Variants in GMDS observed in about 807,000 individuals in gnomAD.
The protein encoded by GMDS is GDP-mannose 4,6 dehydratase.
GMDS carries 20 observed loss-of-function variants against 49.9 expected under a neutral mutation model. The observed-to-expected ratio is 0.40, with a 90% CI of 0.28 to 0.58. The LOEUF is 0.58. Among genes scored for constraint, GMDS ranks in the 20% least tolerant of loss-of-function variants. The pLI is 0.42. For missense variants in GMDS, 362 were observed against 481.4 expected, an observed-to-expected ratio of 0.75 and a Z score of 2.32; for synonymous variants, 177 against 178.6, an observed-to-expected ratio of 0.99 and a Z score of 0.07.
chr6:2,209,283 C>T (rs1412854816), intron 1 of GMDS, among the ~76,000 whole-genome samples: 5 of 152,210 alleles, frequency 3.3e-5, no homozygotes, highest in Non-Finnish European at 5.9e-5. Context: ...TTAGTACATA[C>T]TGTGGGGGTA....
At chr6:1,811,281 C>T (rs116443173) in intron 7 of GMDS, among the ~76,000 whole-genome samples, 1,709 of 152,216 alleles carry the variant, frequency 0.011, 35 homozygotes, top group African/African-American at 0.039. Flanking sequence ...CATACTCTTG[C>T]GATCTTTTCT....
intron 1 of GMDS, among the ~76,000 whole-genome samples, chr6:2,232,307 T>G (rs1378726878): frequency 6.6e-6 from 1 of 152,194 alleles, no homozygotes; most frequent in African/African-American, 2.4e-5. Flanking sequence ...ATTCAGGATT[T>G]TTACTCATTC....
At chr6:1,897,001 T>G (rs565240361) in intron 7 of GMDS, among the ~76,000 whole-genome samples, 1 of 152,220 alleles carries the variant, frequency 6.6e-6, no homozygotes, top group East Asian at 1.9e-4. Flanking sequence ...AAGACAACAA[T>G]GTACATGGAG....
rs7356922 is a variant in GMDS at position 1,775,176 on chromosome 6, G to T, written c.772-32590C>A. Among the ~76,000 whole-genome samples the T allele has an allele frequency of 5.3e-3, 805 of 152,314 alleles. 6 individuals carry two copies. The Middle Eastern group carries it at 0.065, about 12-fold the overall frequency. On this transcript the variant is annotated intron_variant, in intron 7 of 10. Transcript: ENST00000380815. ...GCTAGCAAGCGCATGCATGGCTGAA[G>T]GTGGGGAGTTTTATGGACAACCTTG... is the stretch of plus-strand genomic sequence containing the variant.
chr6:2,040,349 G>C (rs1769598020), intron 4 of GMDS, among the ~76,000 whole-genome samples: 1 of 152,164 alleles, frequency 6.6e-6, no homozygotes, highest in South Asian at 2.1e-4. Context: ...TAAACCCTGT[G>C]TAATAAAACA....
At chr6:1,845,937 T>A (rs9391935) in intron 7 of GMDS, among the ~76,000 whole-genome samples, 72,015 of 151,804 alleles carry the variant, frequency 0.47, 20,258 homozygotes, top group Non-Finnish European at 0.62. Flanking sequence ...TAAGTCCTCA[T>A]AGCAATATTC....
At chr6:1,841,317 C>T (rs1235013870) in intron 7 of GMDS, among the ~76,000 whole-genome samples, 1 of 152,182 alleles carries the variant, frequency 6.6e-6, no homozygotes, top group African/African-American at 2.4e-5. Context: ...CAGAGGTGAA[C>T]TTTATGCAGG....
chr6:1,936,489 G>T lies in GMDS; in HGVS notation c.644-6259C>A, dbSNP rs73425566. Reference sequence around the variant, plus strand: ...CACAAGGCAAGGGAATAATAGCTCAGACCAGCAAGTCATCAGCTGAGACCA... The same window carrying T: ...CACAAGGCAAGGGAATAATAGCTCATACCAGCAAGTCATCAGCTGAGACCA... On this transcript the variant is annotated intron_variant, in intron 6 of 10. Transcript: ENST00000380815. Among the ~76,000 whole-genome samples, 1,167 of 152,276 alleles carry T rather than the reference G, an allele frequency of 7.7e-3. 14 individuals carry two copies. The highest frequency in any genetic ancestry group is 0.027 in the African/African-American group (1,108 of 41,542).
intron 7 of GMDS, among the ~76,000 whole-genome samples, chr6:1,773,936 C>T (rs1429629891): frequency 6.6e-6 from 1 of 152,162 alleles, no homozygotes. Context: ...ATACACTGTA[C>T]ATTTTTGAAA....
At chr6:1,672,099 G>A (rs1764450858) in intron 9 of GMDS, among the ~76,000 whole-genome samples, 2 of 152,188 alleles carry the variant, frequency 1.3e-5, no homozygotes, top group African/African-American at 4.8e-5. Flanking sequence ...CTACAAAAGA[G>A]TGTTTTTTCC....
chr6:1,940,923 G>A (rs1181052793), intron 6 of GMDS, among the ~76,000 whole-genome samples: 1 of 152,136 alleles, frequency 6.6e-6, no homozygotes, highest in Non-Finnish European at 1.5e-5. Flanking sequence ...GAGCGTCACT[G>A]GCCTTTACCC....
intron 4 of GMDS, among the ~76,000 whole-genome samples, chr6:2,079,896 A>G (rs1278120196): frequency 6.6e-6 from 1 of 152,164 alleles, no homozygotes; most frequent in East Asian, 1.9e-4. Flanking sequence ...AAAATAGATG[A>G]GTTTTCCAAT....
At chr6:1,927,775 A>T (rs887056550) in intron 7 of GMDS, among the ~76,000 whole-genome samples, 1 of 152,104 alleles carries the variant, frequency 6.6e-6, no homozygotes, top group African/African-American at 2.4e-5. Context: ...TACTTACTTA[A>T]CACTCTCATT....
intron 1 of GMDS, among the ~76,000 whole-genome samples, chr6:2,219,898 T>C (rs1409200461): frequency 6.6e-6 from 1 of 152,238 alleles, no homozygotes; most frequent in East Asian, 1.9e-4. Context: ...AGTGTCAACA[T>C]GGCACCAGAA....
chr6:2,106,280 T>G (rs751593249), intron 4 of GMDS, among the ~76,000 whole-genome samples: 3 of 152,208 alleles, frequency 2.0e-5, no homozygotes, highest in Non-Finnish European at 2.9e-5. Flanking sequence ...CAGAAAAAAT[T>G]CTTACGCATT....
intron 4 of GMDS, among the ~76,000 whole-genome samples, chr6:2,012,148 G>C (rs577582486): frequency 6.6e-6 from 1 of 152,040 alleles, no homozygotes; most frequent in Admixed American, 6.6e-5. Context: ...AAATTACGTG[G>C]TGGGTATAAT....
intron 1 of GMDS, among the ~76,000 whole-genome samples, chr6:2,240,538 AG>A (rs553036408): frequency 1.0e-3 from 155 of 148,958 alleles, no homozygotes; most frequent in Middle Eastern, 3.4e-3. Context: ...TGGAAGGTAG[AG>A]GTTGCAGTAA....
At chr6:1,821,860 C>T (rs910307684) in intron 7 of GMDS, among the ~76,000 whole-genome samples, 3 of 151,650 alleles carry the variant, frequency 2.0e-5, no homozygotes, top group African/African-American at 4.8e-5. Context: ...GGGGAGGGGA[C>T]GCCAATTCTG....
At chr6:1,885,756 G>A (rs978365961) in intron 7 of GMDS, among the ~76,000 whole-genome samples, 6 of 152,172 alleles carry the variant, frequency 3.9e-5, no homozygotes, top group African/African-American at 7.2e-5. Flanking sequence ...GGTATGGAAC[G>A]TGAAGACCAC....
Sources: allele counts gnomAD v4.1 joint callset (sites outside exome capture counted in the v4.1 genomes callset), GRCh38; gene constraint gnomAD v4.1.1; transcripts MANE v1.5; gene names NCBI Gene and HGNC (gene_info 2026-07-23, HGNC 2026-07-21).